Variants in ZNF608 observed in about 807,000 individuals in gnomAD.
ZNF608 encodes the protein renal carcinoma antigen NY-REN-36.
A neutral mutation model predicts 109.0 loss-of-function variants in ZNF608; 12 were observed. That is an observed-to-expected ratio of 0.11 (90% CI 0.07 to 0.18). The LOEUF (loss-of-function observed/expected upper bound fraction) is 0.18. Ranked by LOEUF, ZNF608 falls within the 10% of genes least tolerant of loss-of-function variation. The pLI, the probability that ZNF608 is intolerant of heterozygous loss-of-function variation, is 1.00. For missense variants in ZNF608, 1,707 were observed against 1,879.3 expected (o/e 0.91, Z 1.70); for synonymous variants, 732 against 717.4 (o/e 1.02, Z -0.33).
chr5:124,724,496 C>CAAAA lies in ZNF608; in HGVS notation c.906+19584_906+19587dup, dbSNP rs5871102. Among the ~76,000 whole-genome samples the CAAAA allele has an allele frequency of 7.7e-4, 77 of 100,052 alleles. 1 individual carries two copies. The highest frequency in any genetic ancestry group is 2.3e-3 in the Admixed American group (21 of 9,278). 65.6% of individuals were successfully genotyped at this position (100,052 alleles called of 152,430 possible). ...AAACCCAGGGAGTATGCAAAGAGTGCAAAAAAAAAAAAAAAAAAAGACTGG... is the reference window on the plus strand; with the variant it reads ...AAACCCAGGGAGTATGCAAAGAGTGCAAAAAAAAAAAAAAAAAAAAAAAGACTGG... On this transcript the variant is annotated intron_variant, in intron 2 of 9. Coordinates refer to ENST00000513986, the MANE Select transcript of ZNF608 (RefSeq NM_020747.3).
rs1056734169 is a variant in ZNF608, at chr5:124,735,785, C to T, written c.906+8299G>A. Among the ~76,000 whole-genome samples the T allele has an allele frequency of 2.0e-5, 3 of 152,168 alleles. 1 individual carries two copies. The highest frequency in any genetic ancestry group is 2.0e-4 in the Admixed American group (3 of 15,276). ...AAATGGAGTTGGATGCGGAGAGGCTCAACTGCTCTGTTTTAACATCATGTT... is the reference window on the plus strand; with the variant it reads ...AAATGGAGTTGGATGCGGAGAGGCTTAACTGCTCTGTTTTAACATCATGTT... On this transcript the variant is annotated intron_variant, in intron 2 of 9. Transcript: ENST00000513986.
chr5:124,727,986 G>C (rs564625055), intron 2 of ZNF608, among the ~76,000 whole-genome samples: 1 of 152,076 alleles, frequency 6.6e-6, no homozygotes, highest in Non-Finnish European at 1.5e-5. Flanking sequence ...TGATCTGCCC[G>C]CCTCGGCTTC....
chr5:124,721,544 A>G (rs1753902987), intron 2 of ZNF608, among the ~76,000 whole-genome samples: 2 of 152,288 alleles, frequency 1.3e-5, no homozygotes, highest in South Asian at 4.1e-4. Flanking sequence ...AAATGGGGGA[A>G]ATTACAACTG....
At position 124,637,314 on chromosome 5, in the gene ZNF608, AC is replaced by A. The variant is rs1196227734; in HGVS notation, c.*585del. 1 of 152,582 alleles carries A rather than the reference AC, an allele frequency of 6.6e-6. No individual in the cohort carries two copies. Among genetic ancestry groups the A allele is most frequent in the Non-Finnish European group, 1.5e-5 (1 of 68,030 alleles). 9.5% of individuals were successfully genotyped at this position (152,582 alleles called of 1,614,324 possible). ...CTTCCAAAAGTACTTTTTCCACAATACACAAGTACAAACAGTGACTACAGGA... is the reference window on the plus strand; with the variant it reads ...CTTCCAAAAGTACTTTTTCCACAATAACAAGTACAAACAGTGACTACAGGA... On this transcript the variant is annotated 3_prime_UTR_variant, in exon 10 of 10. Coordinates refer to ENST00000513986, the MANE Select transcript of ZNF608 (RefSeq NM_020747.3).
chr5:124,708,254 G>A (rs1350482968), intron 2 of ZNF608, among the ~76,000 whole-genome samples: 1 of 152,200 alleles, frequency 6.6e-6, no homozygotes, highest in Non-Finnish European at 1.5e-5. Context: ...GGATTATACT[G>A]TGCATTCTCT....
chr5:124,712,970 G>A (rs1561577878), intron 2 of ZNF608, among the ~76,000 whole-genome samples: 1 of 152,082 alleles, frequency 6.6e-6, no homozygotes, highest in African/African-American at 2.4e-5. Context: ...GTCACTGATG[G>A]CCAAGATAAT....
At chr5:124,685,761 A>G (rs1752387200) in intron 3 of ZNF608, among the ~76,000 whole-genome samples, 1 of 152,224 alleles carries the variant, frequency 6.6e-6, no homozygotes, top group South Asian at 2.1e-4. Flanking sequence ...ATATGTGGTT[A>G]GAACAACTAG....
chr5:124,686,342 G>A (rs1488058359), intron 3 of ZNF608, among the ~76,000 whole-genome samples: 1 of 152,138 alleles, frequency 6.6e-6, no homozygotes, highest in African/African-American at 2.4e-5. Flanking sequence ...CTACTGCTTT[G>A]CCATGAAGAT....
chr5:124,733,939 AT>A (rs1486859664), intron 2 of ZNF608, among the ~76,000 whole-genome samples: 1 of 152,202 alleles, frequency 6.6e-6, no homozygotes, highest in Non-Finnish European at 1.5e-5. Context: ...CCACCTCCTG[AT>A]TAGAGATTCA....
chr5:124,711,765 G>C (rs1022102923), intron 2 of ZNF608, among the ~76,000 whole-genome samples: 27 of 152,352 alleles, frequency 1.8e-4, no homozygotes, highest in African/African-American at 6.0e-4. Flanking sequence ...GAGCACCAAG[G>C]GGGTGGGGCA....
chr5:124,683,608 T>C (rs977623735), intron 3 of ZNF608, among the ~76,000 whole-genome samples: 2 of 152,106 alleles, frequency 1.3e-5, no homozygotes, highest in African/African-American at 4.8e-5. Flanking sequence ...AAAGTAGAAA[T>C]TGGGTGAAGG....
chr5:124,689,510 A>C (rs1024480380), intron 3 of ZNF608, among the ~76,000 whole-genome samples: 1 of 151,942 alleles, frequency 6.6e-6, no homozygotes, highest in Non-Finnish European at 1.5e-5. Flanking sequence ...GAACTGAAGA[A>C]CTAGTTTCCA....
intron 3 of ZNF608, among the ~76,000 whole-genome samples, chr5:124,665,180 CAA>C (rs5871098): frequency 0.047 from 6,419 of 135,492 alleles, 197 homozygotes; most frequent in Middle Eastern, 0.16. Flanking sequence ...CACCTCCCCC[CAA>C]AAAAAAAAAA....
At chr5:124,713,638 C>T (rs1580679661) in intron 2 of ZNF608, among the ~76,000 whole-genome samples, 2 of 152,258 alleles carry the variant, frequency 1.3e-5, no homozygotes, top group Admixed American at 6.5e-5. Flanking sequence ...ACATAATATC[C>T]GTGATGTTGC....
chr5:124,727,128 A>G (rs1748644126), intron 2 of ZNF608, among the ~76,000 whole-genome samples: 1 of 152,222 alleles, frequency 6.6e-6, no homozygotes, highest in Admixed American at 6.5e-5. Context: ...TGACAGCAAC[A>G]GAGTTTTGCA....
At chr5:124,703,122 T>C (rs1242567723) in intron 2 of ZNF608, among the ~76,000 whole-genome samples, 1 of 152,122 alleles carries the variant, frequency 6.6e-6, no homozygotes, top group Non-Finnish European at 1.5e-5. Flanking sequence ...GCTTCTTAAT[T>C]TGTATAGTTA....
chr5:124,691,288 GT>G (rs1752618263), intron 3 of ZNF608, among the ~76,000 whole-genome samples: 2 of 152,014 alleles, frequency 1.3e-5, no homozygotes, highest in Non-Finnish European at 2.9e-5. Context: ...AAAAAAAAAG[GT>G]GAGGGCTGGG....
At chr5:124,716,588 C>A (rs1308944104) in intron 2 of ZNF608, among the ~76,000 whole-genome samples, 1 of 152,168 alleles carries the variant, frequency 6.6e-6, no homozygotes, top group Non-Finnish European at 1.5e-5. Context: ...AGGAAGTACT[C>A]AGTTAAATCT....
chr5:124,643,983 T>C (rs1489828607), intron 6 of ZNF608, among the ~76,000 whole-genome samples: 1 of 152,324 alleles, frequency 6.6e-6, no homozygotes. Context: ...GTGCTTAGAA[T>C]ATTTTTATAG....
Sources: allele counts gnomAD v4.1 joint callset (sites outside exome capture counted in the v4.1 genomes callset), GRCh38; gene constraint gnomAD v4.1.1; transcripts MANE v1.5; gene names NCBI Gene and HGNC (gene_info 2026-07-23, HGNC 2026-07-21).